Variants in HMGXB3 observed in about 807,000 individuals in gnomAD.
The protein encoded by HMGXB3 is HMG-box containing 3.
In HMGXB3, 45 loss-of-function variants were observed where a neutral mutation model predicts 121.5. The observed-to-expected ratio is 0.37, with a 90% confidence interval of 0.29 to 0.47. The LOEUF is 0.47. Among genes scored for constraint, HMGXB3 ranks in the 20% least tolerant of loss-of-function variants. The pLI is 0.99. For missense variants in HMGXB3, 1,376 were observed against 1,602.2 expected (o/e 0.86, Z 2.41); for synonymous variants, 590 against 624.1 (o/e 0.95, Z 0.81).
chr5:150,004,202 T>C (rs1260099551), intron 1 of HMGXB3, among the ~76,000 whole-genome samples: 2 of 152,084 alleles, frequency 1.3e-5, no homozygotes, highest in Non-Finnish European at 2.9e-5. Context: ...TTGTGTCTAT[T>C]GTATCCTTTG....
intron 17 of HMGXB3, among the ~76,000 whole-genome samples, 172 bp from the exon 18 acceptor site, chr5:150,048,397 C>G (rs190800781): frequency 3.9e-5 from 6 of 152,078 alleles, no homozygotes; most frequent in Non-Finnish European, 8.8e-5. Flanking sequence ...TCAGGGCCTC[C>G]GATTGCTTAC....
intron 19 of HMGXB3, 36 bp from the exon 20 acceptor site, chr5:150,051,689 C>A: frequency 6.9e-7 from 1 of 1,455,016 alleles, no homozygotes; most frequent in Non-Finnish European, 9.2e-7. Context: ...CTTAGTCATT[C>A]CTTCTTATCA....
chr5:150,016,017 T>G (rs1012471083), intron 5 of HMGXB3, among the ~76,000 whole-genome samples: 1 of 152,152 alleles, frequency 6.6e-6, no homozygotes, highest in African/African-American at 2.4e-5. Context: ...TTTATATCCT[T>G]ACTGATTTTG....
At chr5:150,040,942 T>C (rs1756617764) in intron 14 of HMGXB3, 63 bp downstream of exon 14, 1 of 1,420,214 alleles carries the variant, frequency 7.0e-7, no homozygotes, top group Non-Finnish European at 9.3e-7. Context: ...TTTTCAGTGA[T>C]GGCATTTGGT....
intron 6 of HMGXB3, among the ~76,000 whole-genome samples, chr5:150,022,739 C>T (rs948072054): frequency 6.6e-6 from 1 of 151,904 alleles, no homozygotes; most frequent in Non-Finnish European, 1.5e-5. Flanking sequence ...CATGTTAACT[C>T]ACTCTTAGGG....
chr5:150,039,130 A>G (rs1424352848), intron 13 of HMGXB3, among the ~76,000 whole-genome samples: 1 of 152,188 alleles, frequency 6.6e-6, no homozygotes, highest in Non-Finnish European at 1.5e-5. Context: ...CAGCCATTCT[A>G]ATAGGTGTGT....
In HMGXB3 at chr5:150,030,798, G is replaced by A. The variant is rs538858627; in HGVS notation, c.1792G>A (p.Asp598Asn). 2.4e-5 allele frequency: 38 copies of A among 1,552,154 alleles called. No individual in the cohort carries two copies. The highest frequency in any genetic ancestry group is 3.1e-5 in the Non-Finnish European group (35 of 1,147,030). Residue 598 changes from aspartate (D) to asparagine (N), a missense_variant, in exon 10 of 20, where the codon GAT becomes AAT. Physicochemically the swap from Asp to Asn is conservative, Grantham distance 23. Transcript: ENST00000502717. ...SQVKVVEVKP[D>N]MFPPYKYSCT... Reference sequence around the variant, plus strand: ...GGTGAAAGTTGTGGAGGTCAAGCCCGATATGTTTCCTCCATATAAGTACAG... The same window carrying A: ...GGTGAAAGTTGTGGAGGTCAAGCCCAATATGTTTCCTCCATATAAGTACAG...
intron 19 of HMGXB3, among the ~76,000 whole-genome samples, chr5:150,051,048 A>C (rs1473911498): frequency 6.6e-6 from 1 of 152,220 alleles, no homozygotes; most frequent in African/African-American, 2.4e-5. Context: ...ACACTGGTTT[A>C]GAAAACACTC....
intron 15 of HMGXB3, among the ~76,000 whole-genome samples, chr5:150,044,708 G>T (rs981361186): frequency 3.9e-5 from 6 of 152,152 alleles, no homozygotes; most frequent in Admixed American, 3.9e-4. Flanking sequence ...GCAAAATTAG[G>T]AGTTTAGTTC....
Position 150,010,536 on chromosome 5 carries a change from C to T in HMGXB3, c.738C>T (p.Asp246=). Residue 246 remains aspartate (D), a synonymous_variant, in exon 4 of 20, where the codon GAC becomes GAT. Transcript: ENST00000502717. ...IEETLVNGSP[D]LPTGSLAVPH... is the part of the protein sequence containing the mutation. Reference sequence around the variant, plus strand: ...AGACCTTGGTGAATGGCTCACCAGACCTCCCCACTGGAAGCCTGGCTGTGC... The same window carrying T: ...AGACCTTGGTGAATGGCTCACCAGATCTCCCCACTGGAAGCCTGGCTGTGC... The T allele has an allele frequency of 1.3e-6, 2 of 1,551,548 alleles. No individual in the cohort carries two copies. Among genetic ancestry groups the T allele is most frequent in the East Asian group, 4.9e-5 (2 of 40,924 alleles).
At chr5:150,051,202 A>AGTC (rs1561892205) in intron 19 of HMGXB3, among the ~76,000 whole-genome samples, 4 of 152,204 alleles carry the variant, frequency 2.6e-5, no homozygotes. Context: ...ATTTCTCACC[A>AGTC]GTCATGTACC....
At chr5:150,030,694 G>C (rs1756351670) in intron 9 of HMGXB3, 47 bp from the exon 10 acceptor site, 1 of 1,410,800 alleles carries the variant, frequency 7.1e-7, no homozygotes, top group Admixed American at 2.0e-5. Context: ...GAGCTCAGGA[G>C]TTTGGCTAAG....
chr5:150,032,960 G>T (rs1561874290), intron 11 of HMGXB3, among the ~76,000 whole-genome samples: 1 of 152,118 alleles, frequency 6.6e-6, no homozygotes, highest in Non-Finnish European at 1.5e-5. Flanking sequence ...TTACTGTTTC[G>T]GTAAATAGAG....
At chr5:150,013,159 G>C (rs973721800) in intron 5 of HMGXB3, among the ~76,000 whole-genome samples, 1 of 152,164 alleles carries the variant, frequency 6.6e-6, no homozygotes, top group Non-Finnish European at 1.5e-5. Flanking sequence ...TCTTTGTCTT[G>C]TCCTCATGTA....
Position 150,048,627 on chromosome 5 carries a change from C to G in HMGXB3, c.3143C>G (p.Ala1048Gly). 1.9e-6 allele frequency: 3 copies of G among 1,552,024 alleles called. No homozygotes were observed. The highest frequency in any genetic ancestry group is 2.6e-6 in the Non-Finnish European group (3 of 1,147,042). ...GAATCTGTACAGAATGGAGCTAGAG[C>G]TATACGGCCCCCACGTCACTTCACA... The part of the protein sequence containing the change: ...LYESVQNGAR[A>G]IRPPRHFTGG... Residue 1048 changes from alanine (A) to glycine (G), a missense_variant, in exon 18 of 20, where the codon GCT becomes GGT. Physicochemically the swap from Ala to Gly is moderately conservative, Grantham distance 60. Transcript: ENST00000502717.
At chr5:150,040,384 T>G (rs570843274) in intron 13 of HMGXB3, among the ~76,000 whole-genome samples, 4 of 152,150 alleles carry the variant, frequency 2.6e-5, no homozygotes, top group Non-Finnish European at 5.9e-5. Context: ...TTGTTTTGCC[T>G]TTTTCAAGAT....
rs1755706093 is a variant in HMGXB3 at position 150,006,536 on chromosome 5, C to G, written c.201C>G (p.Leu67=). 7.1e-6 allele frequency: 11 copies of G among 1,551,954 alleles called. No individual in the cohort carries two copies. Among genetic ancestry groups the G allele is most frequent in the Non-Finnish European group, 8.7e-6 (10 of 1,147,060 alleles). The change falls in exon 3 of 20, where the codon CTC becomes CTG. Residue 67 remains leucine (L), a synonymous_variant. Coordinates refer to ENST00000502717, the MANE Select transcript of HMGXB3 (RefSeq NM_014983.3). ...AAGTGCAGCAGGAGCTCCCCCACCTCCCTCAGTCTGAGATCAATAAGAAGA... is the reference window on the plus strand; with the variant it reads ...AAGTGCAGCAGGAGCTCCCCCACCTGCCTCAGTCTGAGATCAATAAGAAGA... The part of the protein sequence containing the change: ...YLKVQQELPH[L]PQSEINKKIS...
intron 18 of HMGXB3, 38 bp from the exon 19 acceptor site, chr5:150,050,214 C>T (rs763559890): frequency 4.0e-6 from 6 of 1,508,004 alleles, no homozygotes; most frequent in Non-Finnish European, 5.4e-6. Context: ...AGACTGGCTT[C>T]CTAATTAACC....
At chr5:150,044,111 T>C (rs1756700322) in intron 15 of HMGXB3, among the ~76,000 whole-genome samples, 1 of 152,230 alleles carries the variant, frequency 6.6e-6, no homozygotes, top group Non-Finnish European at 1.5e-5. Context: ...CCTTCAGTGG[T>C]ACCAGGTACT....
Sources: gnomAD v4.1 joint callset for allele counts (sites outside exome capture counted in the v4.1 genomes callset) on GRCh38, gnomAD v4.1.1 for gene constraint, MANE v1.5 for transcripts, NCBI Gene and HGNC (gene_info 2026-07-23, HGNC 2026-07-21) for gene names.